The following CCDC141 variants were observed in gnomAD, a reference collection of about 807,000 sequenced individuals.
CCDC141 encodes coiled-coil domain containing 141.
CCDC141 carries 168 observed loss-of-function variants against 181.0 expected under a neutral mutation model. The ratio of observed to expected loss-of-function variants is 0.93; its 90% CI spans 0.82 to 1.05. The LOEUF is 1.05. Among genes scored for constraint, CCDC141 ranks in the 50% least tolerant of loss-of-function variants. The pLI is 0.00. For synonymous variants in CCDC141, 666 were observed against 642.3 expected (o/e 1.04, Z -0.56); for missense variants, 1,902 against 1,788.5 (o/e 1.06, Z -1.14).
At chr2:178,996,503 G>A (rs528470212) in intron 2 of CCDC141, among the ~76,000 whole-genome samples, 102 of 152,252 alleles carry the variant, frequency 6.7e-4, no homozygotes, top group African/African-American at 2.3e-3. Flanking sequence ...TGGCACAAAG[G>A]TGTTAAAATA....
At chr2:178,821,237 A>C in the CCDC141 span, among the ~76,000 whole-genome samples, 3 of 152,172 alleles carry the variant, frequency 2.0e-5, no homozygotes, top group African/African-American at 7.2e-5. Flanking sequence ...ACCATATTTG[A>C]AGTCCTACAA....
chr2:178,966,258 C>T (rs1690625764), intron 4 of CCDC141, among the ~76,000 whole-genome samples: 3 of 152,194 alleles, frequency 2.0e-5, no homozygotes, highest in South Asian at 4.1e-4. Flanking sequence ...GCACAGCATT[C>T]GAGCTCTGAT....
chr2:179,036,270 A>G (rs2043142171), intron 2 of CCDC141, among the ~76,000 whole-genome samples: 1 of 152,212 alleles, frequency 6.6e-6, no homozygotes, highest in Non-Finnish European at 1.5e-5. Context: ...TTCATTGGTT[A>G]TGGTCATACT....
intron 2 of CCDC141, among the ~76,000 whole-genome samples, chr2:178,983,406 A>T (rs1486908112): frequency 1.3e-5 from 2 of 152,142 alleles, no homozygotes. Flanking sequence ...AAATCAGAGC[A>T]CCTCTCCTCC....
At position 178,837,097 on chromosome 2, in the gene CCDC141, A is replaced by G; in HGVS notation, c.4122T>C (p.Phe1374=). 1 of 1,613,982 alleles carries G rather than the reference A, an allele frequency of 6.2e-7. No homozygotes were observed. Among genetic ancestry groups the G allele is most frequent in the Non-Finnish European group, 8.5e-7 (1 of 1,179,968 alleles). Residue 1374 remains phenylalanine, a synonymous_variant, in exon 23 of 24, where the codon TTT becomes TTC. Transcript: ENST00000443758. ...ASSDAFSGLR[F]QSGTSRGYQR... ...GATAGCCCCTGCTGGTGCCTGATTG[A>G]AACCTGAGGCCCGAGAATGCATCAG...
chr2:178,885,581 G>T (rs1230785664), intron 10 of CCDC141, among the ~76,000 whole-genome samples: 1 of 152,114 alleles, frequency 6.6e-6, no homozygotes, highest in Non-Finnish European at 1.5e-5. Flanking sequence ...GGCCAGTGGG[G>T]AAAATATTAC....
At chr2:178,872,361 A>AACAAAAAGCTGTATCTCTTG in intron 12 of CCDC141, 49 bp from the exon 13 acceptor site, 1 of 1,509,706 alleles carries the variant, frequency 6.6e-7, no homozygotes, top group Non-Finnish European at 9.0e-7. Context: ...CAAGAGATAC[A>AACAAAAAGCTGTATCTCTTG]GCTTTTTGTT....
intron 21 of CCDC141, among the ~76,000 whole-genome samples, chr2:178,846,847 C>A (rs983505943): frequency 6.6e-6 from 1 of 152,160 alleles, no homozygotes; most frequent in Non-Finnish European, 1.5e-5. Context: ...TGTATATGAA[C>A]GTCCTTTGTA....
At chr2:179,015,484 TATC>T (rs2042468865) in intron 2 of CCDC141, among the ~76,000 whole-genome samples, 1 of 101,584 alleles carries the variant, frequency 9.8e-6, no homozygotes, top group African/African-American at 2.8e-5. Flanking sequence ...GTGCCATATA[TATC>T]ATATATGTGC....
chr2:179,015,478 CAT>C (rs1206863451), intron 2 of CCDC141, among the ~76,000 whole-genome samples: 4 of 64,972 alleles, frequency 6.2e-5, no homozygotes, highest in South Asian at 4.8e-4. Flanking sequence ...ATATATGTGC[CAT>C]ATATATCATA....
rs6711985 is a variant in CCDC141, at chr2:178,910,657, C to T, written c.1093-5156G>A. ...CCACATCTGCCCAAGCTTTCAAATG[C>T]CCTGAAGGCCAGAATATAGGGGTGA... On this transcript the variant is annotated intron_variant, in intron 7 of 23. Coordinates refer to ENST00000443758, the MANE Select transcript of CCDC141 (RefSeq NM_173648.4). Among the ~76,000 whole-genome samples, 1,303 of 152,320 alleles carry T rather than the reference C, an allele frequency of 8.6e-3. 23 individuals carry two copies. Among genetic ancestry groups the T allele is most frequent in the African/African-American group, 0.03 (1,240 of 41,568 alleles).
At chr2:178,845,809 T>A in intron 21 of CCDC141, 67 bp from the exon 22 acceptor site, 1 of 897,696 alleles carries the variant, frequency 1.1e-6, no homozygotes, top group Non-Finnish European at 1.9e-6. Context: ...ATACACTAAC[T>A]ACTTGGAAGA....
In CCDC141 at chr2:178,871,452, C is replaced by T. The variant is rs1422829493; in HGVS notation, c.2180G>A (p.Trp727Ter). The T allele has an allele frequency of 6.2e-7, 1 of 1,613,582 alleles. No individual in the cohort carries two copies. Among genetic ancestry groups the T allele is most frequent in the Non-Finnish European group, 8.5e-7 (1 of 1,179,750 alleles). The part of the protein sequence containing the change: ...LQFILDLRQK[W>*]NDMKPQFQQL... ...CTGGAACTGAGGCTTCATGTCATTC[C>T]ATTTTTGTCGTAGATCTAAAATGAA... Residue 727 changes from tryptophan to a stop codon, truncating the protein, a stop_gained, in exon 14 of 24, where the codon TGG (tryptophan) becomes TAG (stop). Transcript: ENST00000443758. LOFTEE classifies it high-confidence loss of function.
chr2:178,939,736 G>T (rs1250385509), intron 6 of CCDC141, among the ~76,000 whole-genome samples: 2 of 151,986 alleles, frequency 1.3e-5, no homozygotes, highest in African/African-American at 4.8e-5. Context: ...CGTCCAAGGG[G>T]TATACTCTTT....
chr2:178,976,654 C>T (rs1468249508), intron 3 of CCDC141, among the ~76,000 whole-genome samples: 2 of 152,154 alleles, frequency 1.3e-5, no homozygotes, highest in Non-Finnish European at 2.9e-5. Flanking sequence ...TAATAATGAT[C>T]AGCCATGCAA....
At chr2:178,990,526 AAGAG>A (rs1199321130) in intron 2 of CCDC141, among the ~76,000 whole-genome samples, 3 of 143,038 alleles carry the variant, frequency 2.1e-5, no homozygotes, top group Admixed American at 6.9e-5. Context: ...GAGAGAAAGA[AAGAG>A]AGAGAGGAAG....
chr2:178,973,684 C>T (rs541673197), intron 4 of CCDC141, among the ~76,000 whole-genome samples: 1 of 152,208 alleles, frequency 6.6e-6, no homozygotes, highest in African/African-American at 2.4e-5. Flanking sequence ...CTTCTACAAG[C>T]CCCCAGTCCC....
At chr2:178,855,319 C>G (rs768881673) in intron 19 of CCDC141, 28 bp downstream of exon 19, 52 of 1,573,774 alleles carry the variant, frequency 3.3e-5, no homozygotes, top group Middle Eastern at 3.3e-4. Flanking sequence ...AACATTACAA[C>G]ATGGATACCA....
At chr2:179,035,394 A>G (rs150149734) in intron 2 of CCDC141, among the ~76,000 whole-genome samples, 2 of 152,210 alleles carry the variant, frequency 1.3e-5, no homozygotes, top group African/African-American at 4.8e-5. Context: ...CAAAGTCCCT[A>G]TAGGGTGCTC....
Sources: allele counts gnomAD v4.1 joint callset (sites outside exome capture counted in the v4.1 genomes callset), GRCh38; gene constraint gnomAD v4.1.1; transcripts MANE v1.5; gene names NCBI Gene and HGNC (gene_info 2026-07-23, HGNC 2026-07-21).